The following MAD1L1 variants were observed in gnomAD, a reference collection of about 807,000 sequenced individuals.
The protein encoded by MAD1L1 is mitotic arrest deficient 1 like 1, also known as mitotic spindle assembly checkpoint protein MAD1.
Under a neutral mutation model 96.9 loss-of-function variants are expected in MAD1L1, and 95 were observed. That is an observed-to-expected ratio of 0.98 (90% CI 0.83 to 1.16). The LOEUF (loss-of-function observed/expected upper bound fraction) is 1.16, where lower values mean the gene tolerates loss of function less well. Ranked by LOEUF, MAD1L1 falls within the 50% of genes most tolerant of loss-of-function variation. MAD1L1 has a pLI of 0.00. For missense variants in MAD1L1, 1,007 were observed against 954.4 expected, an observed-to-expected ratio of 1.06 and a Z score of -0.73; for synonymous variants, 473 against 396.6, an observed-to-expected ratio of 1.19 and a Z score of -2.29.
rs1782801565 is a variant in MAD1L1 at position 2,021,839 on chromosome 7, C to T, written c.1219-7197G>A. Among the ~76,000 whole-genome samples the T allele has an allele frequency of 2.0e-5, 3 of 152,182 alleles. No homozygotes were observed. In the South Asian group the frequency reaches 6.2e-4, roughly 32 times the overall value. ...GGAGATTGGTCATTGGCAGCCCTGG[C>T]CCCTGTAAGCAGTGTGAGGTGGATT... is the stretch of plus-strand genomic sequence containing the variant. On this transcript the variant is annotated intron_variant, in intron 12 of 18. Transcript: ENST00000265854.
intron 11 of MAD1L1, among the ~76,000 whole-genome samples, chr7:2,133,715 T>C (rs998780869): frequency 6.6e-6 from 1 of 152,244 alleles, no homozygotes; most frequent in Non-Finnish European, 1.5e-5. Flanking sequence ...TCTGAGTTGA[T>C]TTTTGAGGAA....
intron 14 of MAD1L1, among the ~76,000 whole-genome samples, chr7:1,993,093 C>T (rs2128489424): frequency 6.6e-6 from 1 of 152,208 alleles, no homozygotes; most frequent in African/African-American, 2.4e-5. Flanking sequence ...ATCTAAGTTT[C>T]GTGGAGTGGA....
At chr7:2,033,648 T>C (rs1424014890) in intron 12 of MAD1L1, among the ~76,000 whole-genome samples, 1 of 152,214 alleles carries the variant, frequency 6.6e-6, no homozygotes, top group Non-Finnish European at 1.5e-5. Context: ...GTTCCTCACC[T>C]GGAGTGGCAA....
At position 2,211,112 on chromosome 7, in the gene MAD1L1, C is replaced by CA. The variant is rs1792922990; in HGVS notation, c.986+2099dup. Among the ~76,000 whole-genome samples, 8 of 152,312 alleles carry CA rather than the reference C, an allele frequency of 5.3e-5. No homozygotes were observed. In the South Asian group the frequency reaches 1.7e-3, roughly 32 times the overall value. On this transcript the variant is annotated intron_variant, in intron 10 of 18. Transcript: ENST00000265854. ...TCAAAGCTGCAGGGCGCCACACATG[C>CA]ATGCCACTTGCTTCCCGCCCACTTT...
At chr7:1,908,517 G>T (rs951619760) in intron 17 of MAD1L1, among the ~76,000 whole-genome samples, 1 of 152,160 alleles carries the variant, frequency 6.6e-6, no homozygotes, top group Non-Finnish European at 1.5e-5. Context: ...AAGTAGCTGG[G>T]ACCACAGGGA....
chr7:1,816,066 C>T lies in MAD1L1; in HGVS notation c.*4G>A. On this transcript the variant is annotated 3_prime_UTR_variant, in exon 19 of 19. Transcript: ENST00000265854. ...GGCTCCGGCTATGCCCCCGAGCCTG[C>T]AGGCTACGCCACGGTCTGGCGGCTG... is the stretch of plus-strand genomic sequence containing the variant. 1 of 1,606,268 alleles carries T rather than the reference C, an allele frequency of 6.2e-7. No homozygotes were observed. The highest frequency in any genetic ancestry group is 2.2e-5 in the East Asian group (1 of 44,738).
chr7:1,995,133 G>A (rs890513016), intron 14 of MAD1L1, among the ~76,000 whole-genome samples: 3 of 152,216 alleles, frequency 2.0e-5, no homozygotes, highest in Admixed American at 6.5e-5. Context: ...TCCCTCCAAT[G>A]CAAGAGGCAT....
chr7:1,935,760 A>G (rs976718779), intron 17 of MAD1L1, among the ~76,000 whole-genome samples: 2 of 152,232 alleles, frequency 1.3e-5, no homozygotes, highest in Admixed American at 1.3e-4. Flanking sequence ...ATGAAAGCTG[A>G]GTCTGAAATC....
At chr7:1,958,912 G>C (rs1779839764) in intron 15 of MAD1L1, among the ~76,000 whole-genome samples, 1 of 152,168 alleles carries the variant, frequency 6.6e-6, no homozygotes, top group African/African-American at 2.4e-5. Context: ...ATCCGTAAGA[G>C]AAAAGTTTAA....
intron 18 of MAD1L1, among the ~76,000 whole-genome samples, chr7:1,862,774 A>C (rs141069396): frequency 0.013 from 2,042 of 152,372 alleles, 39 homozygotes; most frequent in African/African-American, 0.046. Flanking sequence ...AAAATGAAAA[A>C]AAACAGTGCT....
intron 10 of MAD1L1, among the ~76,000 whole-genome samples, chr7:2,179,967 G>A (rs35102115): frequency 0.14 from 20,778 of 144,338 alleles, 1,712 homozygotes; most frequent in Middle Eastern, 0.25. Context: ...GCAAAACTCC[G>A]TCTCAAAAAA....
At chr7:1,862,790 T>C (rs1784594433) in intron 18 of MAD1L1, among the ~76,000 whole-genome samples, 1 of 152,192 alleles carries the variant, frequency 6.6e-6, no homozygotes. Context: ...GTGCTTGCTA[T>C]AAATAGAGTG....
intron 16 of MAD1L1, among the ~76,000 whole-genome samples, chr7:1,942,062 G>GCGTT (rs1034553112): frequency 1.3e-5 from 2 of 152,112 alleles, no homozygotes; most frequent in Non-Finnish European, 2.9e-5. Flanking sequence ...TGACCTCCAC[G>GCGTT]CGTTCGTTCC....
At chr7:1,823,832 C>CA (rs1273515157) in intron 18 of MAD1L1, among the ~76,000 whole-genome samples, 1 of 152,172 alleles carries the variant, frequency 6.6e-6, no homozygotes, top group Non-Finnish European at 1.5e-5. Context: ...ATATTTCATG[C>CA]TTGGATCTGC....
At chr7:1,888,834 T>C (rs571612247) in intron 18 of MAD1L1, among the ~76,000 whole-genome samples, 43 of 152,312 alleles carry the variant, frequency 2.8e-4, no homozygotes, top group African/African-American at 1.0e-3. Flanking sequence ...CATGTATTTG[T>C]GTCCATGTGT....
At chr7:2,055,523 T>C (rs1259113512) in intron 12 of MAD1L1, among the ~76,000 whole-genome samples, 1 of 151,304 alleles carries the variant, frequency 6.6e-6, no homozygotes, top group Non-Finnish European at 1.5e-5. Flanking sequence ...ACAAAAGAAT[T>C]AGATGGGCAC....
At chr7:2,153,113 G>A (rs1324760314) in intron 10 of MAD1L1, among the ~76,000 whole-genome samples, 3 of 152,116 alleles carry the variant, frequency 2.0e-5, no homozygotes, top group African/African-American at 7.2e-5. Context: ...AACACTTCAG[G>A]ACATTGGTCT....
At chr7:1,987,535 CAT>C (rs1781209850) in intron 14 of MAD1L1, among the ~76,000 whole-genome samples, 1 of 151,178 alleles carries the variant, frequency 6.6e-6, no homozygotes, top group Non-Finnish European at 1.5e-5. Context: ...GCCGTGTAGA[CAT>C]ATCAGTATTT....
At chr7:1,885,562 G>A (rs544888449) in intron 18 of MAD1L1, among the ~76,000 whole-genome samples, 2 of 152,166 alleles carry the variant, frequency 1.3e-5, no homozygotes, top group East Asian at 1.9e-4. Context: ...GTCCCACGGT[G>A]GGCCGCTGTA....
Sources: gnomAD v4.1 joint callset for allele counts (sites outside exome capture counted in the v4.1 genomes callset) on GRCh38, gnomAD v4.1.1 for gene constraint, MANE v1.5 for transcripts, NCBI Gene and HGNC (gene_info 2026-07-23, HGNC 2026-07-21) for gene names.